ADGRL4: variants seen among roughly 807,000 people sequenced by gnomAD.
The protein encoded by ADGRL4 is EGF, latrophilin and seven transmembrane domain containing 1.
Under a neutral mutation model 74.8 loss-of-function variants are expected in ADGRL4, and 90 were observed. That is an observed-to-expected ratio of 1.20 (90% CI 1.02 to 1.43). The LOEUF (loss-of-function observed/expected upper bound fraction) is 1.43. Ranked by LOEUF, ADGRL4 falls within the 40% of genes most tolerant of loss-of-function variation. ADGRL4 has a pLI of 0.00. For synonymous variants in ADGRL4, 311 were observed against 279.2 expected (o/e 1.11, Z -1.14); for missense variants, 881 against 814.3 (o/e 1.08, Z -1.00).
chr1:78,914,186 G>T (rs1648820367), intron 12 of ADGRL4, among the ~76,000 whole-genome samples: 3 of 151,768 alleles, frequency 2.0e-5, no homozygotes. Context: ...CCTGCTTCTT[G>T]TCACATCCAC....
intron 2 of ADGRL4, among the ~76,000 whole-genome samples, chr1:78,999,526 TC>T (rs1650791805): frequency 1.3e-5 from 2 of 152,054 alleles, no homozygotes; most frequent in Non-Finnish European, 2.9e-5. Flanking sequence ...TAAGCTGAGA[TC>T]GCACCACTGC....
At chr1:78,938,534 T>TTA (rs1553135981) in intron 4 of ADGRL4, among the ~76,000 whole-genome samples, 4 of 151,948 alleles carry the variant, frequency 2.6e-5, no homozygotes, top group African/African-American at 9.6e-5. Flanking sequence ...ATAATTTTTT[T>TTA]AAATGAGCTT....
At chr1:78,922,376 C>T (rs1221367579) in intron 8 of ADGRL4, among the ~76,000 whole-genome samples, 1 of 151,888 alleles carries the variant, frequency 6.6e-6, no homozygotes, top group African/African-American at 2.4e-5. Flanking sequence ...TGAAGTGAGG[C>T]TGACCAGAGG....
intron 7 of ADGRL4, among the ~76,000 whole-genome samples, chr1:78,929,433 G>T (rs1332901740): frequency 6.6e-6 from 1 of 151,234 alleles, no homozygotes; most frequent in Non-Finnish European, 1.5e-5. Context: ...AAGGATCACT[G>T]GAGCCCTGGG....
At position 78,958,521 on chromosome 1, in the gene ADGRL4, G is replaced by A. The variant is rs183198696; in HGVS notation, c.173-12095C>T. 7.6e-4 allele frequency among the ~76,000 whole-genome samples: 116 copies of A among 152,188 alleles called. 1 individual carries two copies. The highest frequency in any genetic ancestry group is 1.4e-3 in the Non-Finnish European group (97 of 68,002). On this transcript the variant is annotated intron_variant, in intron 2 of 14. Coordinates refer to ENST00000370742, the MANE Select transcript of ADGRL4 (RefSeq NM_022159.4). ...AGACTTCAGTGGAGGAAGTAACTGC[G>A]GACGTGGTGGAAATATCAAGAGAAC... is the stretch of plus-strand genomic sequence containing the variant.
intron 2 of ADGRL4, among the ~76,000 whole-genome samples, chr1:78,996,602 C>T (rs1650720470): frequency 1.3e-5 from 2 of 152,072 alleles, no homozygotes; most frequent in South Asian, 2.1e-4. Context: ...TTATCCTCTG[C>T]TAAATTTTGC....
chr1:78,917,587 T>C (rs777682843), intron 12 of ADGRL4, 47 bp downstream of exon 12: 21 of 1,320,442 alleles, frequency 1.6e-5, no homozygotes, highest in East Asian at 2.4e-5. Flanking sequence ...AAGCACCCTA[T>C]GATCATCACT....
intron 12 of ADGRL4, among the ~76,000 whole-genome samples, chr1:78,913,542 T>C (rs1044922032): frequency 6.6e-6 from 1 of 151,830 alleles, no homozygotes; most frequent in African/African-American, 2.4e-5. Flanking sequence ...AAATACCACA[T>C]GCTCTCACTT....
chr1:78,913,415 C>A (rs1648803402), intron 12 of ADGRL4, among the ~76,000 whole-genome samples: 1 of 151,900 alleles, frequency 6.6e-6, no homozygotes, highest in Admixed American at 6.6e-5. Flanking sequence ...AGAAAACATG[C>A]ATATACACCG....
intron 12 of ADGRL4, among the ~76,000 whole-genome samples, chr1:78,900,695 T>A (rs1648498254): frequency 6.6e-6 from 1 of 152,100 alleles, no homozygotes; most frequent in Admixed American, 6.6e-5. Context: ...CTGATCACTA[T>A]GTGAAGACGT....
chr1:79,005,102 C>T lies in ADGRL4; in HGVS notation c.140G>A (p.Gly47Glu). Residue 47 changes from glycine (G) to glutamate (E), a missense_variant, in exon 2 of 15, where the codon GGA becomes GAA. By Grantham distance (98) the Gly-to-Glu change is moderately conservative. Coordinates refer to ENST00000370742, the MANE Select transcript of ADGRL4 (RefSeq NM_022159.4). ...NGIEACYCNM[G>E]FSGNGVTICE... Reference sequence around the variant, plus strand: ...AATTGTGACACCATTTCCTGAAAATCCCATGTTGCAATAGCAGGCTTCAAT... The same window carrying T: ...AATTGTGACACCATTTCCTGAAAATTCCATGTTGCAATAGCAGGCTTCAAT... 1 of 1,612,330 alleles carries T rather than the reference C, an allele frequency of 6.2e-7. No individual in the cohort carries two copies. The highest frequency in any genetic ancestry group is 8.5e-7 in the Non-Finnish European group (1 of 1,179,436).
chr1:78,901,015 A>T (rs1053646283), intron 12 of ADGRL4, among the ~76,000 whole-genome samples: 1 of 152,088 alleles, frequency 6.6e-6, no homozygotes, highest in Non-Finnish European at 1.5e-5. Context: ...AATTTATAGA[A>T]CCTACCATAT....
At chr1:78,950,510 C>T (rs1392258815) in intron 2 of ADGRL4, among the ~76,000 whole-genome samples, 1 of 152,056 alleles carries the variant, frequency 6.6e-6, no homozygotes, top group African/African-American at 2.4e-5. Flanking sequence ...ATAAAGAAAA[C>T]TAAGGCCCAA....
intron 12 of ADGRL4, 88 bp downstream of exon 12, chr1:78,917,546 T>C (rs937926934): frequency 2.7e-6 from 2 of 754,282 alleles, no homozygotes; most frequent in East Asian, 5.6e-5. Flanking sequence ...ATTCTTCTTT[T>C]TTAGAATAAC....
At position 78,939,099 on chromosome 1, in the gene ADGRL4, T is replaced by C. The variant is rs1649420989; in HGVS notation, c.396+89A>G. On this transcript the variant is annotated intron_variant, in intron 4 of 14. Coordinates refer to ENST00000370742, the MANE Select transcript of ADGRL4 (RefSeq NM_022159.4). ...GACTCTCCCTAAAGTTTGACTACTG[T>C]TTACTCTTCTTGAAATGTGTGACAT... 3 of 1,400,456 alleles carry C rather than the reference T, an allele frequency of 2.1e-6. No homozygotes were observed. In the African/African-American group the frequency reaches 4.5e-5, roughly 21 times the overall value. 86.8% of individuals were successfully genotyped at this position (1,400,456 alleles called of 1,614,324 possible).
At chr1:78,912,510 A>T (rs1648782436) in intron 12 of ADGRL4, among the ~76,000 whole-genome samples, 1 of 151,808 alleles carries the variant, frequency 6.6e-6, no homozygotes. Flanking sequence ...CATGCAAGGG[A>T]TCTAAGCTAC....
intron 2 of ADGRL4, among the ~76,000 whole-genome samples, chr1:78,979,628 G>A (rs1055294302): frequency 6.6e-6 from 1 of 151,870 alleles, no homozygotes; most frequent in East Asian, 1.9e-4. Flanking sequence ...ATTTGAAATT[G>A]CAGAGATATA....
intron 11 of ADGRL4, 33 bp from the exon 12 acceptor site, chr1:78,917,733 T>A: frequency 6.3e-7 from 1 of 1,589,916 alleles, no homozygotes; most frequent in Non-Finnish European, 8.6e-7. Flanking sequence ...AATCTATAAA[T>A]ATGTTTGCAT....
intron 2 of ADGRL4, among the ~76,000 whole-genome samples, chr1:78,958,233 C>G (rs935731181): frequency 1.3e-5 from 2 of 152,124 alleles, no homozygotes; most frequent in Non-Finnish European, 2.9e-5. Flanking sequence ...AAATAACATC[C>G]ATTCTGCAGC....
Sources: gnomAD v4.1 joint callset for allele counts (sites outside exome capture counted in the v4.1 genomes callset) on GRCh38, gnomAD v4.1.1 for gene constraint, MANE v1.5 for transcripts, NCBI Gene and HGNC (gene_info 2026-07-23, HGNC 2026-07-21) for gene names.